HLA-DQB2: variants seen among roughly 807,000 people sequenced by gnomAD.
HLA-DQB2 encodes HLA class II histocompatibility antigen, DQ beta 2 chain.
Under a neutral mutation model 29.2 loss-of-function variants are expected in HLA-DQB2, and 24 were observed. That is an observed-to-expected ratio of 0.82 (90% CI 0.60 to 1.16). HLA-DQB2 has a LOEUF of 1.16. Among genes scored for constraint, HLA-DQB2 ranks in the 50% most tolerant of loss-of-function variants. HLA-DQB2 has a pLI of 0.00. For synonymous variants in HLA-DQB2, 104 were observed against 133.1 expected (o/e 0.78, Z 1.51); for missense variants, 273 against 343.6 (o/e 0.79, Z 1.62).
chr6:32,757,661 C>CA, intron 4 of HLA-DQB2, 112 bp downstream of exon 4: 1 of 908,574 alleles, frequency 1.1e-6, no homozygotes, highest in Non-Finnish European at 1.7e-6. Context: ...CCTGTCTCCT[C>CA]GCACTTCCTC....
intron 5 of HLA-DQB2, 169 bp from the exon 6 acceptor site, chr6:32,756,635 C>T: frequency 7.1e-7 from 1 of 1,409,572 alleles, no homozygotes; most frequent in East Asian, 2.6e-5. Flanking sequence ...CTCATGAGGA[C>T]ACAGAACTTC....
intron 3 of HLA-DQB2, among the ~76,000 whole-genome samples, 169 bp downstream of exon 3, chr6:32,758,681 A>G (rs1163593471): frequency 6.6e-6 from 1 of 152,248 alleles, no homozygotes; most frequent in Non-Finnish European, 1.5e-5. Context: ...AGACAAAGAG[A>G]TCAGGATTCA....
At position 32,759,027 on chromosome 6, in the gene HLA-DQB2, G is replaced by C; in HGVS notation, c.469C>G (p.Arg157Gly). 1 of 1,614,234 alleles carries C rather than the reference G, an allele frequency of 6.2e-7. No individual in the cohort carries two copies. Residue 157 changes from arginine (R) to glycine (G), a missense_variant, in exon 3 of 6, where the codon CGG becomes GGG. Arg to Gly is a moderately radical substitution (Grantham distance 125). Transcript: ENST00000437316. ...TCCTCCTGGTCATTCCGAAACCACC[G>C]GACTTTGATCTGGGCTGGATAGAAA... ...TDFYPAQIKVRWFRNDQEETA... is the reference protein window; with the variant it reads ...TDFYPAQIKVGWFRNDQEETA...
At chr6:32,756,744 C>G in intron 5 of HLA-DQB2, 2 of 1,293,796 alleles carry the variant, frequency 1.5e-6, no homozygotes, top group South Asian at 2.8e-5. Context: ...CACTTCATCT[C>G]CACCACTAGC....
At chr6:32,756,670 G>C (rs7775664) in intron 5 of HLA-DQB2, 109,629 of 1,364,944 alleles carry the variant, frequency 0.08, 5,483 homozygotes, top group African/African-American at 0.24. Context: ...ATGTGGAGGT[G>C]GGGGAACAGC....
chr6:32,756,792 G>A, intron 5 of HLA-DQB2: 2 of 1,224,996 alleles, frequency 1.6e-6, no homozygotes, highest in Non-Finnish European at 2.0e-6. Flanking sequence ...ACAGGCAGTA[G>A]CTAACAAAAT....
At chr6:32,762,021 C>G in intron 1 of HLA-DQB2, 95 bp from the exon 2 acceptor site, 3 of 1,484,536 alleles carry the variant, frequency 2.0e-6, no homozygotes, top group Non-Finnish European at 2.7e-6. Context: ...CCTGACCCGG[C>G]CAGCAGCTGC....
intron 2 of HLA-DQB2, 123 bp downstream of exon 2, chr6:32,761,537 C>CT (rs1179946226): frequency 8.8e-7 from 1 of 1,140,990 alleles, no homozygotes; most frequent in African/African-American, 1.6e-5. Flanking sequence ...TCCCCGCCAC[C>CT]TTCCTGTACC....
chr6:32,757,281 C>G lies in HLA-DQB2; in HGVS notation c.781G>C (p.Gly261Arg). ...QKGPRGPPPA[G>R]LLH is the part of the protein sequence containing the mutation. ...GACTGGATCATGGCTGAAATATTAC[C>G]TGCTGGTGGAGGCCCTCGAGGTCCT... The change falls in exon 5 of 6, where the codon GGA (glycine) becomes CGA (arginine). Residue 261 changes from glycine (G) to arginine (R), a missense_variant and splice_region_variant. Transcript: ENST00000437316. 4 of 1,550,422 alleles carry G rather than the reference C, an allele frequency of 2.6e-6. No homozygotes were observed. The highest frequency in any genetic ancestry group is 3.5e-6 in the Non-Finnish European group (4 of 1,146,888).
Position 32,761,582 on chromosome 6 carries a change from G to A in HLA-DQB2, c.364+78C>T, listed in dbSNP as rs4947347. 0.013 allele frequency: 18,697 copies of A among 1,430,438 alleles called. 287 individuals carry two copies. Among genetic ancestry groups the A allele is most frequent in the East Asian group, 0.056 (2,231 of 39,502 alleles). The allele number at this position is 1,430,438 out of a possible 1,614,324, so 88.6% of individuals were successfully genotyped here. A position where few individuals can be genotyped will look rare whatever the true frequency, so the allele number is the denominator to read the frequency against. Reference sequence around the variant, plus strand: ...ATCAGGGCTCGGTCCTTGAGGCCGCGCCGTCCTCGCCCCTCTGTGCGCAAG... The same window carrying A: ...ATCAGGGCTCGGTCCTTGAGGCCGCACCGTCCTCGCCCCTCTGTGCGCAAG... On this transcript the variant is annotated intron_variant, in intron 2 of 5. Coordinates refer to ENST00000437316, the MANE Select transcript of HLA-DQB2 (RefSeq NM_001300790.2).
chr6:32,758,784 G>C, intron 3 of HLA-DQB2, 66 bp downstream of exon 3: 5 of 1,544,690 alleles, frequency 3.2e-6, no homozygotes, highest in Non-Finnish European at 4.4e-6. Flanking sequence ...GGATGGGAAG[G>C]ATCAGCGGGA....
At chr6:32,761,123 A>G (rs1447278794) in intron 2 of HLA-DQB2, among the ~76,000 whole-genome samples, 1 of 152,294 alleles carries the variant, frequency 6.6e-6, no homozygotes, top group Non-Finnish European at 1.5e-5. Context: ...AATAATTTGA[A>G]GCCAAAAGTT....
intron 2 of HLA-DQB2, among the ~76,000 whole-genome samples, chr6:32,760,727 T>C (rs1764709080): frequency 1.3e-5 from 2 of 151,384 alleles, no homozygotes; most frequent in African/African-American, 4.9e-5. Flanking sequence ...CATTGTGCCA[T>C]TTGTTCAGCT....
intron 4 of HLA-DQB2, 42 bp from the exon 5 acceptor site, chr6:32,757,346 A>G: frequency 7.2e-7 from 1 of 1,386,650 alleles, no homozygotes; most frequent in Non-Finnish European, 1.0e-6. Context: ...TGTTAAACAA[A>G]CAACCACTAT....
In HLA-DQB2 at chr6:32,756,203, A is replaced by G; in HGVS notation, c.*250T>C. ...GTCTGTGGGGGGAGAATGGAAACAG[A>G]GATGCCCCTTGGGGCCTGAGTAGAC... On this transcript the variant is annotated 3_prime_UTR_variant, in exon 6 of 6. Transcript: ENST00000437316. 1.9e-6 allele frequency: 1 copy of G among 522,132 alleles called. No homozygotes were observed. The highest frequency in any genetic ancestry group is 3.4e-6 in the Non-Finnish European group (1 of 294,366). 32.3% of individuals were successfully genotyped at this position (522,132 alleles called of 1,614,324 possible).
Position 32,757,772 on chromosome 6 carries a change from C to G in HLA-DQB2, c.757+1G>C. 6.2e-7 allele frequency: 1 copy of G among 1,610,872 alleles called. No homozygotes were observed. Among genetic ancestry groups the G allele is most frequent in the Non-Finnish European group, 8.5e-7 (1 of 1,178,772 alleles). On this transcript the variant is annotated splice_donor_variant, in intron 4 of 5. Transcript: ENST00000437316. LOFTEE classifies it high-confidence loss of function. Reference sequence around the variant, plus strand: ...CCCCATTTCCCCCTTGGGTTCCTCACCTTTCTGACCCCTGTGACGGATGAT... The same window carrying G: ...CCCCATTTCCCCCTTGGGTTCCTCAGCTTTCTGACCCCTGTGACGGATGAT...
intron 2 of HLA-DQB2, among the ~76,000 whole-genome samples, chr6:32,760,081 A>G (rs1018941567): frequency 6.6e-6 from 1 of 152,260 alleles, no homozygotes; most frequent in African/African-American, 2.4e-5. Flanking sequence ...AAAAAATGAT[A>G]GAATAACTTT....
intron 4 of HLA-DQB2, 150 bp from the exon 5 acceptor site, chr6:32,757,454 C>A (rs920915103): frequency 4.3e-6 from 3 of 694,192 alleles, no homozygotes; most frequent in Non-Finnish European, 7.3e-6. Context: ...GTTAAAATCC[C>A]CCAAAACAAA....
chr6:32,756,970 C>A, intron 5 of HLA-DQB2: 1 of 1,244,884 alleles, frequency 8.0e-7, no homozygotes, highest in Non-Finnish European at 1.0e-6. Flanking sequence ...CTCATAGCAG[C>A]AAACAGGCCA....
Sources: allele counts gnomAD v4.1 joint callset (sites outside exome capture counted in the v4.1 genomes callset), GRCh38; gene constraint gnomAD v4.1.1; transcripts MANE v1.5; gene names NCBI Gene and HGNC (gene_info 2026-07-23, HGNC 2026-07-21).